EFHC1: variants seen among roughly 807,000 people sequenced by gnomAD.
The protein encoded by EFHC1 is EF-hand domain containing 1.
A neutral mutation model predicts 69.9 loss-of-function variants in EFHC1; 53 were observed. The ratio of observed to expected loss-of-function variants is 0.76; its 90% confidence interval spans 0.61 to 0.95. EFHC1 has a LOEUF of 0.95. Ranked by LOEUF, EFHC1 falls within the 40% of genes least tolerant of loss-of-function variation. The pLI, the probability that EFHC1 is intolerant of heterozygous loss-of-function variation, is 0.00. For missense variants in EFHC1, 739 were observed against 798.7 expected, an observed-to-expected ratio of 0.93 and a Z score of 0.90; for synonymous variants, 256 against 278.4, an observed-to-expected ratio of 0.92 and a Z score of 0.80.
intron 3 of EFHC1, among the ~76,000 whole-genome samples, chr6:52,447,442 T>G (rs1200023104): frequency 6.6e-6 from 1 of 152,204 alleles, no homozygotes; most frequent in Non-Finnish European, 1.5e-5. Context: ...TCTACACTGT[T>G]TATTCTAGTT....
intron 7 of EFHC1, among the ~76,000 whole-genome samples, chr6:52,476,729 G>C (rs1319037288): frequency 2.0e-5 from 3 of 151,588 alleles, no homozygotes; most frequent in Non-Finnish European, 4.4e-5. Context: ...AAGCGTCAAA[G>C]TCATGAAAGA....
intron 8 of EFHC1, 146 bp downstream of exon 8, chr6:52,479,396 G>T: frequency 9.5e-7 from 1 of 1,049,758 alleles, no homozygotes; most frequent in Non-Finnish European, 1.4e-6. Flanking sequence ...GGTATAATGT[G>T]TTAATCGCCT....
At position 52,453,582 on chromosome 6, in the gene EFHC1, TA is replaced by T. The variant is rs375126464; in HGVS notation, c.724-510del. On this transcript the variant is annotated intron_variant, in intron 4 of 10. Coordinates refer to ENST00000371068, the MANE Select transcript of EFHC1 (RefSeq NM_018100.4). ...CATATATCTGTTATTATTTTGTATT[TA>T]AAGATTGTGTTTATTCCCACGATTT... 1.6e-4 allele frequency: 203 copies of T among 1,263,286 alleles called. No individual in the cohort carries two copies. In the African/African-American group the frequency reaches 3.1e-3, roughly 19 times the overall value. The allele number at this position is 1,263,286 out of a possible 1,614,324, so 78.3% of individuals were successfully genotyped here. A position where few individuals can be genotyped will look rare whatever the true frequency, so the allele number is the denominator to read the frequency against.
chr6:52,454,177 T>G lies in EFHC1; in HGVS notation c.806T>G (p.Met269Arg). 6.2e-7 allele frequency: 1 copy of G among 1,614,186 alleles called. No homozygotes were observed. Residue 269 changes from methionine to arginine, a missense_variant, in exon 5 of 11, where the codon ATG (methionine) becomes AGG (arginine). Physicochemically the swap from Met to Arg is moderately conservative, Grantham distance 91. Transcript: ENST00000371068. ...CRTYIIHYYL[M>R]DDTVEIREVH... ...ACCTACATCATTCATTACTATCTTA[T>G]GGATGATACGGTGGAAATTCGAGAG...
intron 5 of EFHC1, among the ~76,000 whole-genome samples, chr6:52,456,683 G>A (rs1157320879): frequency 6.6e-6 from 1 of 152,194 alleles, no homozygotes; most frequent in Admixed American, 6.5e-5. Flanking sequence ...GGAGGCCAAG[G>A]TGGGAGGATC....
At chr6:52,430,858 T>A (rs1390737959) in intron 2 of EFHC1, among the ~76,000 whole-genome samples, 2 of 152,176 alleles carry the variant, frequency 1.3e-5, no homozygotes, top group African/African-American at 2.4e-5. Context: ...GGTAGTTTTT[T>A]AATTATTTCA....
chr6:52,421,114 T>C (rs970193204), intron 1 of EFHC1: 242 of 890,542 alleles, frequency 2.7e-4, no homozygotes, highest in Non-Finnish European at 3.0e-4. Flanking sequence ...CCCATTCTTT[T>C]TTCTCCATCT....
In EFHC1 at chr6:52,484,322, A is replaced by T. The variant is rs539809258; in HGVS notation, c.1640+4535A>T. 2.6e-5 allele frequency: 4 copies of T among 152,384 alleles called. 1 individual carries two copies. The South Asian group carries it at 8.3e-4, about 32-fold the overall frequency. 9.4% of individuals were successfully genotyped at this position (152,384 alleles called of 1,614,324 possible). ...GTGTTTATATCTATTGCTATTTAGC[A>T]TATTAGAAATTGTATCTGAAAAATT... On this transcript the variant is annotated intron_variant, in intron 9 of 10. Coordinates refer to ENST00000371068, the MANE Select transcript of EFHC1 (RefSeq NM_018100.4).
intron 3 of EFHC1, 63 bp downstream of exon 3, chr6:52,438,654 C>A: frequency 6.4e-7 from 1 of 1,550,430 alleles, no homozygotes; most frequent in Non-Finnish European, 8.9e-7. Flanking sequence ...TAGAAGGATA[C>A]ATTTCATTTA....
chr6:52,420,932 C>T, intron 1 of EFHC1: 1 of 925,490 alleles, frequency 1.1e-6, no homozygotes, highest in Admixed American at 4.8e-5. Context: ...TATGCACCTT[C>T]AACCTCATTC....
intron 3 of EFHC1, among the ~76,000 whole-genome samples, chr6:52,451,411 T>C (rs1764914530): frequency 6.6e-6 from 1 of 152,248 alleles, no homozygotes; most frequent in Admixed American, 6.5e-5. Flanking sequence ...TGGCTAGATA[T>C]GAAATTCTTG....
chr6:52,425,550 G>A (rs771345987), intron 2 of EFHC1, among the ~76,000 whole-genome samples: 5 of 152,092 alleles, frequency 3.3e-5, no homozygotes, highest in Non-Finnish European at 7.4e-5. Flanking sequence ...TACACTAATT[G>A]TTGTTACTTA....
chr6:52,466,064 G>A (rs79900463), intron 6 of EFHC1, among the ~76,000 whole-genome samples: 4,860 of 151,954 alleles, frequency 0.032, 112 homozygotes, highest in Non-Finnish European at 0.048. Context: ...AAAGTGTGAG[G>A]AGATTGACAA....
At position 52,465,052 on chromosome 6, in the gene EFHC1, GT is replaced by G. The variant is rs1256186249; in HGVS notation, c.1077del (p.Phe359LeufsTer11). 6.2e-7 allele frequency: 1 copy of G among 1,614,124 alleles called. No individual in the cohort carries two copies. The highest frequency in any genetic ancestry group is 1.7e-5 in the Admixed American group (1 of 60,016). Reference sequence around the variant, plus strand: ...TTACTCGACGGTATTACAAAGAGAAGTTTGGAATCACTGATTTACCACGTAT... The same window carrying G: ...TTACTCGACGGTATTACAAAGAGAAGTTGGAATCACTGATTTACCACGTAT... ...PFTRRYYKEK[F>X]GITDLPRIDV... On this transcript the variant is annotated frameshift_variant, in exon 6 of 11. Transcript: ENST00000371068. LOFTEE classifies it high-confidence loss of function.
At chr6:52,442,125 T>C (rs1764678154) in intron 3 of EFHC1, among the ~76,000 whole-genome samples, 1 of 152,116 alleles carries the variant, frequency 6.6e-6, no homozygotes, top group East Asian at 1.9e-4. Flanking sequence ...TGGCCAAGAC[T>C]TCCAATATTG....
At chr6:52,438,275 A>G (rs778063212) in intron 2 of EFHC1, 29 bp from the exon 3 acceptor site, 10 of 1,603,012 alleles carry the variant, frequency 6.2e-6, no homozygotes, top group Non-Finnish European at 8.5e-6. Flanking sequence ...CTAATAGTAC[A>G]CCATTTCTCC....
chr6:52,459,205 T>C lies in EFHC1; in HGVS notation c.916+4918T>C, dbSNP rs146239240. Reference sequence around the variant, plus strand: ...GTGCAACCAACCTGTACATGTACCCTGAGTCTAAAATTTAAAAATAAATAC... The same window carrying C: ...GTGCAACCAACCTGTACATGTACCCCGAGTCTAAAATTTAAAAATAAATAC... On this transcript the variant is annotated intron_variant, in intron 5 of 10. Coordinates refer to ENST00000371068, the MANE Select transcript of EFHC1 (RefSeq NM_018100.4). Among the ~76,000 whole-genome samples, 848 of 152,316 alleles carry C rather than the reference T, an allele frequency of 5.6e-3. 8 individuals are homozygous for C. Among genetic ancestry groups the C allele is most frequent in the African/African-American group, 0.019 (798 of 41,574 alleles).
At chr6:52,434,761 C>A (rs1383812793) in intron 2 of EFHC1, among the ~76,000 whole-genome samples, 2 of 152,122 alleles carry the variant, frequency 1.3e-5, no homozygotes, top group Non-Finnish European at 2.9e-5. Context: ...ACTCTTCTAT[C>A]CCATTCATTC....
chr6:52,474,144 C>T (rs1382856310), intron 7 of EFHC1, among the ~76,000 whole-genome samples: 1 of 152,118 alleles, frequency 6.6e-6, no homozygotes, highest in East Asian at 1.9e-4. Flanking sequence ...GAGACCCTAT[C>T]GCTACAAAGA....
Sources: allele counts gnomAD v4.1 joint callset (sites outside exome capture counted in the v4.1 genomes callset), GRCh38; gene constraint gnomAD v4.1.1; transcripts MANE v1.5; gene names NCBI Gene and HGNC (gene_info 2026-07-23, HGNC 2026-07-21).